Variants in ZNF540 observed in about 807,000 individuals in gnomAD.
The protein encoded by ZNF540 is zinc finger protein 540, also known as CTD-3064H18.6.
A neutral mutation model predicts 11.8 loss-of-function variants in ZNF540; 3 were observed. That is an observed-to-expected ratio of 0.25 (90% CI 0.12 to 0.65). ZNF540 has a LOEUF of 0.65. Among genes scored for constraint, ZNF540 ranks in the 30% least tolerant of loss-of-function variants. ZNF540 has a pLI of 0.83. For synonymous variants in ZNF540, 247 were observed against 259.0 expected, an observed-to-expected ratio of 0.95 and a Z score of 0.45; for missense variants, 709 against 793.1, an observed-to-expected ratio of 0.89 and a Z score of 1.27.
chr19:37,563,811 AAT>A, intron 1 of ZNF540: 1 of 82,476 alleles, frequency 1.2e-5, no homozygotes, highest in African/African-American at 3.1e-5. Flanking sequence ...ACACATGTGG[AAT>A]ATATGTATAT....
At chr19:37,581,682 T>C (rs2043469952) in intron 1 of ZNF540, among the ~76,000 whole-genome samples, 1 of 152,020 alleles carries the variant, frequency 6.6e-6, no homozygotes, top group East Asian at 1.9e-4. Flanking sequence ...AGGCTGGTCC[T>C]GAATTCCTGG....
intron 4 of ZNF540, among the ~76,000 whole-genome samples, chr19:37,607,683 ATGTACC>A (rs2044095567): frequency 6.6e-6 from 1 of 152,084 alleles, no homozygotes; most frequent in African/African-American, 2.4e-5. Context: ...CATTCTCTGG[ATGTACC>A]ACAGCTTAAT....
chr19:37,552,228 G>A (rs1222955394), intron 1 of ZNF540, among the ~76,000 whole-genome samples: 1 of 152,098 alleles, frequency 6.6e-6, no homozygotes, highest in Non-Finnish European at 1.5e-5. Flanking sequence ...TAATTCTACT[G>A]TGGTTAGAAA....
chr19:37,571,659 G>C (rs2043056604), intron 1 of ZNF540, among the ~76,000 whole-genome samples: 1 of 152,094 alleles, frequency 6.6e-6, no homozygotes, highest in South Asian at 2.1e-4. Flanking sequence ...CTTACCAAGG[G>C]GTTACACAGA....
intron 1 of ZNF540, among the ~76,000 whole-genome samples, chr19:37,584,696 C>T (rs897247211): frequency 6.6e-6 from 1 of 152,100 alleles, no homozygotes; most frequent in Admixed American, 6.5e-5. Context: ...GGCGCGGTGG[C>T]TCACGCTTGT....
intron 1 of ZNF540, among the ~76,000 whole-genome samples, chr19:37,579,127 C>T (rs1352110569): frequency 6.6e-6 from 1 of 152,196 alleles, no homozygotes; most frequent in Non-Finnish European, 1.5e-5. Flanking sequence ...GCTCCCACCA[C>T]CTAAGTGTTC....
chr19:37,611,763 T>A lies in ZNF540; in HGVS notation c.483T>A (p.Asn161Lys), dbSNP rs1275200213. ...TDRKRPSFTL[N>K]QRIHNSEKSC... is the part of the protein sequence containing the mutation. ...GAAAACGTCCCTCTTTTACTCTGAA[T>A]CAGAGAATTCACAATAGTGAGAAAA... The change falls in exon 5 of 5, where the codon AAT becomes AAA. Residue 161 changes from asparagine (N) to lysine (K), a missense_variant. Asn to Lys is a moderately conservative substitution (Grantham distance 94). Coordinates refer to ENST00000316433, the MANE Select transcript of ZNF540 (RefSeq NM_001172225.3). The A allele has an allele frequency of 1.2e-6, 2 of 1,613,882 alleles. No homozygotes were observed. Among genetic ancestry groups the A allele is most frequent in the Non-Finnish European group, 8.5e-7 (1 of 1,179,960 alleles).
intron 4 of ZNF540, among the ~76,000 whole-genome samples, chr19:37,606,332 C>T (rs1254251346): frequency 6.6e-6 from 1 of 152,114 alleles, no homozygotes; most frequent in East Asian, 1.9e-4. Context: ...CAGCGATGGA[C>T]ATTTGTATTG....
At chr19:37,561,074 A>AAAAAAAAAG (rs57590004) in intron 1 of ZNF540, among the ~76,000 whole-genome samples, 11 of 135,772 alleles carry the variant, frequency 8.1e-5, no homozygotes, top group African/African-American at 3.2e-4. Context: ...AAAAAAAAAA[A>AAAAAAAAAG]GAAAGAAAAA....
intron 1 of ZNF540, chr19:37,562,591 A>C (rs1033696012): frequency 1.3e-5 from 2 of 152,164 alleles, no homozygotes; most frequent in Non-Finnish European, 2.9e-5. Flanking sequence ...CCAATATATT[A>C]TTCTAACTCA....
chr19:37,573,809 C>T (rs927353323), intron 1 of ZNF540, among the ~76,000 whole-genome samples: 29 of 147,802 alleles, frequency 2.0e-4, no homozygotes, highest in Admixed American at 1.7e-3. Context: ...CTCCAGTCTG[C>T]GCAACAGAAC....
chr19:37,551,464 T>TGGCCCC (rs2042604110), exon 1 of ZNF540: 2 of 152,422 alleles, frequency 1.3e-5, no homozygotes, highest in Non-Finnish European at 2.9e-5. Flanking sequence ...CGCTGGGCTA[T>TGGCCCC]GGCCCCCTCC....
chr19:37,613,901 T>G lies in ZNF540; in HGVS notation c.*638T>G. The G allele has an allele frequency of 2.5e-6, 1 of 398,572 alleles. No individual in the cohort carries two copies. Among genetic ancestry groups the G allele is most frequent in the Non-Finnish European group, 4.4e-6 (1 of 226,058 alleles). The allele number at this position is 398,572 out of a possible 1,614,324, so 24.7% of individuals were successfully genotyped here. On this transcript the variant is annotated 3_prime_UTR_variant, in exon 5 of 5. Transcript: ENST00000316433. ...AAATTAGGTCATGAGGGTGGAGCCT[T>G]CATGAGTGGAATTACTGCCTTTATA...
intron 1 of ZNF540, among the ~76,000 whole-genome samples, chr19:37,581,058 A>G (rs2043439216): frequency 6.6e-6 from 1 of 152,214 alleles, no homozygotes; most frequent in African/African-American, 2.4e-5. Context: ...TTCAATTGAA[A>G]TTTTTGAAAT....
chr19:37,612,937 T>C lies in ZNF540; in HGVS notation c.1657T>C (p.Cys553Arg). ...KIHSGLKPYDCKECGKSFSRR... is the reference protein window; with the variant it reads ...KIHSGLKPYDRKECGKSFSRR... Reference sequence around the variant, plus strand: ...TCATTCTGGTTTAAAACCCTATGACTGTAAAGAATGTGGGAAGTCCTTTAG... The same window carrying C: ...TCATTCTGGTTTAAAACCCTATGACCGTAAAGAATGTGGGAAGTCCTTTAG... Residue 553 changes from cysteine to arginine, a missense_variant, in exon 5 of 5, where the codon TGT becomes CGT. Transcript: ENST00000316433. The C allele has an allele frequency of 6.2e-7, 1 of 1,614,154 alleles. No homozygotes were observed.
rs551652848 is a variant in ZNF540, at chr19:37,558,269, C to G, written c.-73+6604C>G. The stretch of plus-strand genomic sequence containing the variant: ...TTTCAAACTCTTGGTTGTCAAAAAC[C>G]TTTTGGGCTATTTCTAAAAGCTGAC... On this transcript the variant is annotated intron_variant, in intron 1 of 4. Transcript: ENST00000592533. Among the ~76,000 whole-genome samples the G allele has an allele frequency of 1.4e-4, 21 of 152,218 alleles. 1 individual carries two copies. In the South Asian group the frequency reaches 4.4e-3, roughly 32 times the overall value.
intron 1 of ZNF540, among the ~76,000 whole-genome samples, chr19:37,578,063 G>T (rs1182027830): frequency 6.6e-6 from 1 of 152,162 alleles, no homozygotes; most frequent in African/African-American, 2.4e-5. Flanking sequence ...GACGGATCTA[G>T]GTTGCGGGCT....
chr19:37,594,034 C>T (rs765148863), upstream of ZNF540: 2 of 152,150 alleles, frequency 1.3e-5, no homozygotes, highest in Non-Finnish European at 2.9e-5. Context: ...AAATAAGCAT[C>T]ATAGAACATC....
chr19:37,607,585 G>C (rs1354694391), intron 4 of ZNF540, among the ~76,000 whole-genome samples: 1 of 152,070 alleles, frequency 6.6e-6, no homozygotes, highest in Non-Finnish European at 1.5e-5. Context: ...AGCCTTTTCA[G>C]ATTGGTCTCT....
Sources: allele counts gnomAD v4.1 joint callset (sites outside exome capture counted in the v4.1 genomes callset), GRCh38; gene constraint gnomAD v4.1.1; transcripts MANE v1.5; gene names NCBI Gene and HGNC (gene_info 2026-07-23, HGNC 2026-07-21).